ZNF800: variants seen among roughly 807,000 people sequenced by gnomAD.
ZNF800 encodes the protein zinc finger protein 800.
A neutral mutation model predicts 59.5 loss-of-function variants in ZNF800; 13 were observed. The ratio of observed to expected loss-of-function variants is 0.22; its 90% CI spans 0.14 to 0.35. The LOEUF is 0.35. Among genes scored for constraint, ZNF800 ranks in the 10% least tolerant of loss-of-function variants. The probability of loss-of-function intolerance (pLI) is 1.00; values close to 1 mark genes in which losing one functional copy is unlikely to be tolerated. For synonymous variants in ZNF800, 266 were observed against 265.7 expected, an observed-to-expected ratio of 1.00 and a Z score of -0.01; for missense variants, 621 against 783.7, an observed-to-expected ratio of 0.79 and a Z score of 2.48.
At chr7:127,364,006 G>C (rs935217657) in intron 1 of ZNF800, 7 of 152,082 alleles carry the variant, frequency 4.6e-5, no homozygotes, top group African/African-American at 7.2e-5. Flanking sequence ...TGAGCTTTAT[G>C]TAATTGTATA....
chr7:127,352,618 A>G (rs1042955451), intron 1 of ZNF800, among the ~76,000 whole-genome samples: 10 of 152,222 alleles, frequency 6.6e-5, no homozygotes, highest in African/African-American at 2.4e-4. Context: ...AGATTTGCCT[A>G]TTGGGAGAAA....
chr7:127,373,163 T>C (rs1346005288), intron 5 of ZNF800, 179 bp downstream of exon 5: 1 of 985,344 alleles, frequency 1.0e-6, no homozygotes, highest in Admixed American at 6.1e-5. Context: ...CCCAAGCCAC[T>C]GGAATAAAGG....
intron 3 of ZNF800, among the ~76,000 whole-genome samples, chr7:127,385,413 C>T (rs1358778095): frequency 2.0e-5 from 3 of 152,202 alleles, no homozygotes; most frequent in Non-Finnish European, 4.4e-5. Flanking sequence ...AATCATTTCA[C>T]ATGTTGTAAG....
chr7:127,388,242 C>T (rs1801199779), intron 2 of ZNF800, among the ~76,000 whole-genome samples: 1 of 152,154 alleles, frequency 6.6e-6, no homozygotes, highest in African/African-American at 2.4e-5. Context: ...TCAACATGTA[C>T]CCATCAATTG....
chr7:127,379,837 CCCCCCCA>C (rs1800906976), intron 3 of ZNF800, among the ~76,000 whole-genome samples: 1 of 7,406 alleles, frequency 1.4e-4, no homozygotes, highest in Non-Finnish European at 2.4e-4. Flanking sequence ...ACCCTTGCCA[CCCCCCCA>C]CCCCCCCACC....
chr7:127,373,947 C>T lies in ZNF800; in HGVS notation c.1389G>A (p.Pro463=), dbSNP rs146898131. Residue 463 remains proline, a synonymous_variant, in exon 5 of 6, where the codon CCG becomes CCA. Transcript: ENST00000265827. Reference sequence around the variant, plus strand: ...TTTTTTGCTGGCCACCTGCAGCCGACGGACTAGTTGATTTAGGGCTTTCAG... The same window carrying T: ...TTTTTTGCTGGCCACCTGCAGCCGATGGACTAGTTGATTTAGGGCTTTCAG... ...QDSESPKSTS[P]SAAGGQQKTR... 5.1e-5 allele frequency: 82 copies of T among 1,614,106 alleles called. No homozygotes were observed. The highest frequency in any genetic ancestry group is 1.8e-4 in the East Asian group (8 of 44,878).
At chr7:127,360,769 T>C (rs541088723) in intron 1 of ZNF800, 6 of 152,146 alleles carry the variant, frequency 3.9e-5, no homozygotes, top group Non-Finnish European at 7.4e-5. Flanking sequence ...AAAAATACTT[T>C]ATCAGTGTCA....
chr7:127,353,684 C>T (rs1219475651), intron 1 of ZNF800, among the ~76,000 whole-genome samples: 1 of 152,210 alleles, frequency 6.6e-6, no homozygotes, highest in South Asian at 2.1e-4. Flanking sequence ...AGTACTCAAC[C>T]TCTATGAATA....
Position 127,377,370 on chromosome 7 carries a change from A to G in ZNF800, c.158-41T>C, listed in dbSNP as rs1419883478. 1.3e-6 allele frequency: 2 copies of G among 1,538,972 alleles called. No individual in the cohort carries two copies. The highest frequency in any genetic ancestry group is 3.8e-5 in the Admixed American group (2 of 53,076). On this transcript the variant is annotated intron_variant, in intron 3 of 5. Coordinates refer to ENST00000265827, the MANE Select transcript of ZNF800 (RefSeq NM_176814.5). The surrounding 1 kb of genome is among the most constrained non-coding windows in gnomAD (Gnocchi z 4.7). ...AAAGAAAAACTTAACACAAAAGGTA[A>G]CTTTAACATGCACTTTTAAACTGGA...
At chr7:127,349,324 C>T (rs1800129763) in intron 1 of ZNF800, among the ~76,000 whole-genome samples, 1 of 152,056 alleles carries the variant, frequency 6.6e-6, no homozygotes, top group Non-Finnish European at 1.5e-5. Flanking sequence ...AAGTTAATAC[C>T]TAGGGAGTCT....
At position 127,371,581 on chromosome 7, in the gene ZNF800, GACA is replaced by G. The variant is rs947667877; in HGVS notation, c.*230_*232del. The G allele has an allele frequency of 4.6e-5, 18 of 388,556 alleles. No homozygotes were observed. Among genetic ancestry groups the G allele is most frequent in the African/African-American group, 1.9e-4 (9 of 48,172 alleles). 24.1% of individuals were successfully genotyped at this position (388,556 alleles called of 1,614,324 possible). A position where few individuals can be genotyped will look rare whatever the true frequency, so the allele number is the denominator to read the frequency against. ...GGGTGGATAGCTGATGGACTGTGAT[GACA>G]ACATGTAATATCACAGCTACTTGAA... On this transcript the variant is annotated 3_prime_UTR_variant, in exon 6 of 6. Transcript: ENST00000265827.
downstream of ZNF800, among the ~76,000 whole-genome samples, chr7:127,367,481 G>T (rs1800535878): frequency 6.6e-6 from 1 of 152,080 alleles, no homozygotes; most frequent in Non-Finnish European, 1.5e-5. Flanking sequence ...GAAAGAATAG[G>T]TTTTACTTCA....
At chr7:127,390,236 T>G (rs919458188) in intron 2 of ZNF800, among the ~76,000 whole-genome samples, 1 of 152,142 alleles carries the variant, frequency 6.6e-6, no homozygotes, top group Admixed American at 6.5e-5. Flanking sequence ...CACATCTGTA[T>G]AGTTCAAAAC....
intron 2 of ZNF800, 25 bp from the exon 3 acceptor site, chr7:127,386,180 C>G (rs1801134517): frequency 7.1e-7 from 1 of 1,399,618 alleles, no homozygotes; most frequent in Non-Finnish European, 1.0e-6. Context: ...AACACCCACC[C>G]CAATCCCCAC....
intron 1 of ZNF800, chr7:127,363,698 C>A (rs1467265800): frequency 6.6e-6 from 1 of 151,792 alleles, no homozygotes; most frequent in East Asian, 1.9e-4. Context: ...TTGGTAAGGG[C>A]AAACCAAATG....
At chr7:127,353,832 A>G (rs1400276230) in intron 1 of ZNF800, among the ~76,000 whole-genome samples, 1 of 85,698 alleles carries the variant, frequency 1.2e-5, no homozygotes, top group African/African-American at 4.4e-5. Context: ...AATTGCACTG[A>G]TAGATAAGCT....
Position 127,374,798 on chromosome 7 carries a change from T to G in ZNF800, c.538A>C (p.Thr180Pro). 6.2e-7 allele frequency: 1 copy of G among 1,613,246 alleles called. No individual in the cohort carries two copies. The highest frequency in any genetic ancestry group is 1.3e-5 in the African/African-American group (1 of 74,956). ...ACCTCTGTATCTGTAACCGGTACTG[T>G]TTTTGACTGTTCAGTGCTAGTTTCC... ...IQETSTEQSK[T>P]VPVTDTEVET... is the part of the protein sequence containing the mutation. Residue 180 changes from threonine to proline, a missense_variant, in exon 5 of 6, where the codon ACA becomes CCA. Physicochemically the swap from Thr to Pro is conservative, Grantham distance 38 (BLOSUM62 -1). Around this residue, in one of 7 missense-constraint regions of ZNF800, gnomAD observed 218 missense variants for 230.8 expected, o/e 0.94. Coordinates refer to ENST00000265827, the MANE Select transcript of ZNF800 (RefSeq NM_176814.5).
chr7:127,345,028 T>C (rs898193653), downstream of ZNF800, among the ~76,000 whole-genome samples: 2 of 152,226 alleles, frequency 1.3e-5, no homozygotes, highest in African/African-American at 4.8e-5. Context: ...ATTAAATTGA[T>C]AGATATCTGA....
downstream of ZNF800, among the ~76,000 whole-genome samples, chr7:127,367,328 A>G (rs896705487): frequency 1.4e-4 from 21 of 152,150 alleles, no homozygotes; most frequent in Non-Finnish European, 2.2e-4. Flanking sequence ...AAAGAGCATA[A>G]CATAACATTT....
Sources: gnomAD v4.1 joint callset for allele counts (sites outside exome capture counted in the v4.1 genomes callset) on GRCh38, gnomAD v4.1.1 for gene constraint, gnomAD v4.1.1 regional missense constraint, Gnocchi (gnomAD v3.1) non-coding constraint, MANE v1.5 for transcripts, NCBI Gene and HGNC (gene_info 2026-07-23, HGNC 2026-07-21) for gene names.